Variants in SCGB2B2 observed in about 807,000 individuals in gnomAD.
SCGB2B2 encodes the protein secretoglobin family 2B member 2, also known as secretoglobin-like protein.
Under a neutral mutation model 7.6 loss-of-function variants are expected in SCGB2B2, and 11 were observed. The ratio of observed to expected loss-of-function variants is 1.45; its 90% CI spans 0.91 to 2.40. SCGB2B2 has a LOEUF of 2.40. Among genes scored for constraint, SCGB2B2 ranks in the 30% most tolerant of loss-of-function variants. The pLI, the probability that SCGB2B2 is intolerant of heterozygous loss-of-function variation, is 0.00. For missense variants in SCGB2B2, 104 were observed against 115.4 expected, an observed-to-expected ratio of 0.90 and a Z score of 0.45; for synonymous variants, 50 against 48.6, an observed-to-expected ratio of 1.03 and a Z score of -0.12.
At chr19:34,619,327 C>G (rs531290527) in intron 1 of SCGB2B2, among the ~76,000 whole-genome samples, 1 of 152,262 alleles carries the variant, frequency 6.6e-6, no homozygotes, top group Non-Finnish European at 1.5e-5. Flanking sequence ...ATTAAGTCAA[C>G]TTTTAAGTAT....
rs950252210 is a variant in SCGB2B2 at position 34,673,188 on chromosome 19, G to A, written c.-2032+2442C>T. Among the ~76,000 whole-genome samples the A allele has an allele frequency of 2.0e-5, 3 of 152,148 alleles. No individual in the cohort carries two copies. The East Asian group carries it at 5.8e-4, about 29-fold the overall frequency. On this transcript the variant is annotated intron_variant, in intron 1 of 3. Coordinates refer to ENST00000601241, the MANE Select transcript of SCGB2B2 (RefSeq NM_001025591.4). ...GCTAAGAGCTAGTGGAAGGGAGTGG[G>A]TTGAGTATTGCATGTAATGTGTTTT...
At chr19:34,641,329 CAAG>C (rs1435864876) in intron 1 of SCGB2B2, among the ~76,000 whole-genome samples, 1 of 152,132 alleles carries the variant, frequency 6.6e-6, no homozygotes, top group Middle Eastern at 3.2e-3. Context: ...GCTAGATCAG[CAAG>C]AATACAATTA....
At chr19:34,659,909 T>C (rs9749559) in intron 1 of SCGB2B2, among the ~76,000 whole-genome samples, 145,146 of 152,300 alleles carry the variant, frequency 0.95, 69,580 homozygotes, top group Middle Eastern at 0.99. Context: ...GTAACCAAAA[T>C]AGCATGGTAC....
intron 1 of SCGB2B2, among the ~76,000 whole-genome samples, chr19:34,668,298 G>A (rs912702683): frequency 6.6e-6 from 1 of 152,168 alleles, no homozygotes; most frequent in Non-Finnish European, 1.5e-5. Flanking sequence ...GCTGCCGGCC[G>A]GCCCTGCCTG....
At chr19:34,628,407 T>C (rs1188692822) in intron 1 of SCGB2B2, among the ~76,000 whole-genome samples, 1 of 151,630 alleles carries the variant, frequency 6.6e-6, no homozygotes, top group East Asian at 1.9e-4. Flanking sequence ...AAGAATCAAA[T>C]AGATGCAACA....
intron 1 of SCGB2B2, among the ~76,000 whole-genome samples, chr19:34,618,863 C>A (rs2066163766): frequency 6.6e-6 from 1 of 152,198 alleles, no homozygotes; most frequent in African/African-American, 2.4e-5. Flanking sequence ...GTGTCCAACT[C>A]TCCCAAACTT....
At chr19:34,615,850 C>A (rs1261754522) in intron 1 of SCGB2B2, among the ~76,000 whole-genome samples, 2 of 127,658 alleles carry the variant, frequency 1.6e-5, no homozygotes, top group African/African-American at 5.8e-5. Flanking sequence ...CCCCCCACCC[C>A]ACAACAGTCC....
intron 1 of SCGB2B2, among the ~76,000 whole-genome samples, chr19:34,603,783 A>G (rs1427112900): frequency 2.5e-5 from 3 of 118,710 alleles, no homozygotes; most frequent in Non-Finnish European, 5.6e-5. Context: ...CTTATTTTTT[A>G]ATGTTTTATT....
At chr19:34,664,718 G>T (rs1165553417) in intron 1 of SCGB2B2, among the ~76,000 whole-genome samples, 2 of 152,116 alleles carry the variant, frequency 1.3e-5, no homozygotes, top group African/African-American at 2.4e-5. Flanking sequence ...AGAAGCCCTA[G>T]CCCTGAGTCA....
chr19:34,586,424 C>T (rs747091210), downstream of SCGB2B2, among the ~76,000 whole-genome samples: 4 of 152,220 alleles, frequency 2.6e-5, no homozygotes, highest in African/African-American at 9.7e-5. Context: ...AACACCCTCT[C>T]CTGCATCTCC....
At chr19:34,672,207 C>T (rs955354202) in intron 1 of SCGB2B2, among the ~76,000 whole-genome samples, 4 of 147,038 alleles carry the variant, frequency 2.7e-5, no homozygotes, top group Non-Finnish European at 6.0e-5. Context: ...TGTAACTTAT[C>T]GGTAATTTGT....
intron 1 of SCGB2B2, among the ~76,000 whole-genome samples, chr19:34,655,205 G>A (rs1387542728): frequency 6.6e-6 from 1 of 151,220 alleles, no homozygotes; most frequent in Non-Finnish European, 1.5e-5. Context: ...GATGGAAGGA[G>A]GAGTCAGACC....
At chr19:34,626,451 C>G (rs546371362) in intron 1 of SCGB2B2, among the ~76,000 whole-genome samples, 24 of 152,076 alleles carry the variant, frequency 1.6e-4, no homozygotes, top group Non-Finnish European at 2.9e-4. Context: ...ATGAGAACTA[C>G]ATGATGAAAG....
chr19:34,635,604 G>A (rs1477322554), intron 1 of SCGB2B2: 1 of 225,204 alleles, frequency 4.4e-6, no homozygotes, highest in Non-Finnish European at 9.2e-6. Flanking sequence ...GCATTTGTAA[G>A]GTCTTTCTCT....
intron 1 of SCGB2B2, among the ~76,000 whole-genome samples, chr19:34,658,813 C>CAAAAAAAAAA (rs138363297): frequency 9.8e-6 from 1 of 102,000 alleles, no homozygotes; most frequent in African/African-American, 5.2e-5. Flanking sequence ...ACAACAACAA[C>CAAAAAAAAAA]AAAAAAAAAA....
chr19:34,673,467 G>A (rs924282996), intron 1 of SCGB2B2, among the ~76,000 whole-genome samples: 12 of 152,138 alleles, frequency 7.9e-5, no homozygotes, highest in Non-Finnish European at 1.6e-4. Flanking sequence ...AAGATGTGTC[G>A]CAGAGTGCAG....
downstream of SCGB2B2, among the ~76,000 whole-genome samples, chr19:34,587,953 A>C (rs1353381219): frequency 2.6e-5 from 4 of 152,186 alleles, no homozygotes; most frequent in Non-Finnish European, 5.9e-5. Flanking sequence ...GGATGTTTGC[A>C]TCCACGTTTA....
At chr19:34,631,869 C>A (rs1373009242) in intron 1 of SCGB2B2, 1 of 151,934 alleles carries the variant, frequency 6.6e-6, no homozygotes. Context: ...GAATACATTG[C>A]CTGATTTAAA....
chr19:34,599,558 T>C (rs372067592), intron 1 of SCGB2B2, among the ~76,000 whole-genome samples: 7 of 152,288 alleles, frequency 4.6e-5, no homozygotes, highest in African/African-American at 1.2e-4. Flanking sequence ...GTGAGACTTA[T>C]TCACTACCAT....
Sources: allele counts gnomAD v4.1 joint callset (sites outside exome capture counted in the v4.1 genomes callset), GRCh38; gene constraint gnomAD v4.1.1; transcripts MANE v1.5; gene names NCBI Gene and HGNC (gene_info 2026-07-23, HGNC 2026-07-21).